CLHC1: variants seen among roughly 807,000 people sequenced by gnomAD.
The protein encoded by CLHC1 is clathrin heavy chain linker domain containing 1.
In CLHC1, 72 loss-of-function variants were observed where a neutral mutation model predicts 69.5. The observed-to-expected ratio is 1.04, with a 90% CI of 0.86 to 1.26. The LOEUF (loss-of-function observed/expected upper bound fraction) is 1.26, where lower values mean the gene tolerates loss of function less well. Ranked by LOEUF, CLHC1 falls within the 50% of genes most tolerant of loss-of-function variation. The pLI, the probability that CLHC1 is intolerant of heterozygous loss-of-function variation, is 0.00. For synonymous variants in CLHC1, 223 were observed against 224.3 expected, an observed-to-expected ratio of 0.99 and a Z score of 0.05; for missense variants, 790 against 679.3, an observed-to-expected ratio of 1.16 and a Z score of -1.81.
At chr2:55,195,752 T>G (rs1384206228) in intron 9 of CLHC1, among the ~76,000 whole-genome samples, 1 of 152,060 alleles carries the variant, frequency 6.6e-6, no homozygotes, top group Non-Finnish European at 1.5e-5. Context: ...CAGTGAGCCG[T>G]TGCACCACTG....
intron 9 of CLHC1, among the ~76,000 whole-genome samples, chr2:55,203,476 G>A (rs768598907): frequency 1.3e-5 from 2 of 152,084 alleles, no homozygotes; most frequent in Non-Finnish European, 2.9e-5. Context: ...CAGTCCAATG[G>A]AACAGAATAG....
In CLHC1 at chr2:55,209,445, T is replaced by A; in HGVS notation, c.773A>T (p.Gln258Leu). Residue 258 changes from glutamine to leucine, a missense_variant, in exon 7 of 13, where the codon CAA becomes CTA. Transcript: ENST00000401408. ...TTTCTGAATTTGCTCCACAAAGTCT[T>A]GAAATGGGCTGCTCATATCAGATTT... The part of the protein sequence containing the change: ...WVKSDMSSPF[Q>L]DFVEQIQKTK... 6 of 1,611,250 alleles carry A rather than the reference T, an allele frequency of 3.7e-6. No homozygotes were observed. Among genetic ancestry groups the A allele is most frequent in the Non-Finnish European group, 4.2e-6 (5 of 1,179,132 alleles).
chr2:55,217,875 C>A lies in CLHC1; in HGVS notation c.301G>T (p.Gly101Cys), dbSNP rs1376684970. Residue 101 changes from glycine (G) to cysteine (C), a missense_variant, in exon 4 of 13, where the codon GGT becomes TGT. Coordinates refer to ENST00000401408, the MANE Select transcript of CLHC1 (RefSeq NM_152385.4). ...AAAGCTGTAGGCTCTGCTGCCAAACCTTTAAGTTTTCCATGAAGACAAAAT... is the reference window on the plus strand; with the variant it reads ...AAAGCTGTAGGCTCTGCTGCCAAACATTTAAGTTTTCCATGAAGACAAAAT... ...TTFCLHGKLKGLAAEPTALVY... is the reference protein window; with the variant it reads ...TTFCLHGKLKCLAAEPTALVY... 4 of 1,607,598 alleles carry A rather than the reference C, an allele frequency of 2.5e-6. No homozygotes were observed. The highest frequency in any genetic ancestry group is 3.4e-6 in the Non-Finnish European group (4 of 1,177,518).
In CLHC1 at chr2:55,188,307, C is replaced by A. The variant is rs118124705; in HGVS notation, c.1007-6563G>T. On this transcript the variant is annotated intron_variant, in intron 9 of 12. Coordinates refer to ENST00000401408, the MANE Select transcript of CLHC1 (RefSeq NM_152385.4). ...CTCCAGCCTAGGTGACAGAGCAAGA[C>A]CCTGTCTTAACAAAAGGGTATATGT... Among the ~76,000 whole-genome samples the A allele has an allele frequency of 3.0e-4, 46 of 152,146 alleles. No individual in the cohort carries two copies. In the East Asian group the frequency reaches 8.7e-3, roughly 29 times the overall value.
intron 4 of CLHC1, chr2:55,216,112 TAAAAA>T (rs34510146): frequency 1.9e-5 from 2 of 105,202 alleles, no homozygotes; most frequent in Non-Finnish European, 1.9e-5. Flanking sequence ...CCATCTCTAC[TAAAAA>T]AAAAAAAAAA....
chr2:55,183,444 C>G (rs966782508), intron 9 of CLHC1, among the ~76,000 whole-genome samples: 1 of 152,186 alleles, frequency 6.6e-6, no homozygotes, highest in Non-Finnish European at 1.5e-5. Flanking sequence ...GAACTTTAGA[C>G]TCTATCAAGT....
chr2:55,181,823 G>A (rs1167584396), intron 9 of CLHC1, 79 bp from the exon 10 acceptor site: 2 of 1,094,008 alleles, frequency 1.8e-6, no homozygotes, highest in Non-Finnish European at 2.7e-6. Context: ...TACTATTTTT[G>A]TGCCTTTGCT....
At chr2:55,201,959 A>G (rs2103873806) in intron 9 of CLHC1, among the ~76,000 whole-genome samples, 1 of 152,338 alleles carries the variant, frequency 6.6e-6, no homozygotes, top group Middle Eastern at 3.4e-3. Flanking sequence ...ATAAAATTCA[A>G]CATTCTTCAT....
At chr2:55,213,677 G>A (rs1673220520) in intron 4 of CLHC1, among the ~76,000 whole-genome samples, 1 of 152,138 alleles carries the variant, frequency 6.6e-6, no homozygotes, top group South Asian at 2.1e-4. Flanking sequence ...ATTATTTGAA[G>A]TTTTCTTCCT....
At chr2:55,212,169 T>C (rs865929973) in intron 5 of CLHC1, among the ~76,000 whole-genome samples, 14 of 152,058 alleles carry the variant, frequency 9.2e-5, no homozygotes, top group Non-Finnish European at 1.9e-4. Flanking sequence ...CCCAGCTACT[T>C]GGGAGGCCAA....
intron 11 of CLHC1, among the ~76,000 whole-genome samples, chr2:55,180,134 C>G (rs998573355): frequency 1.3e-5 from 2 of 149,914 alleles, no homozygotes; most frequent in African/African-American, 4.9e-5. Context: ...AGCCTGGCAA[C>G]AGAGTGAGAC....
At chr2:55,205,400 TACACACACACACACACACACACGC>T (rs1558487025) in intron 9 of CLHC1, among the ~76,000 whole-genome samples, 1 of 147,700 alleles carries the variant, frequency 6.8e-6, no homozygotes, top group African/African-American at 2.5e-5. Context: ...ATAAAGAAAA[TACACACACACACACACACACACGC>T]ACACACACAC....
chr2:55,231,268 AG>A (rs928608764), intron 1 of CLHC1, among the ~76,000 whole-genome samples: 20 of 150,902 alleles, frequency 1.3e-4, no homozygotes, highest in African/African-American at 4.4e-4. Context: ...AAAAAAAAAA[AG>A]TTCCAGGAAG....
In CLHC1 at chr2:55,175,829, C is replaced by T; in HGVS notation, c.1722G>A (p.Glu574=). 1.9e-6 allele frequency: 3 copies of T among 1,613,982 alleles called. No homozygotes were observed. The highest frequency in any genetic ancestry group is 1.3e-5 in the African/African-American group (1 of 75,020). ...SQAAVTEISE[E]DDAVNLMEHV... ...GTTCCATTAGGTTGACTGCGTCATC[C>T]TCTTCAGAAATTTCTGTAACTGCAG... The change falls in exon 13 of 13, where the codon GAG becomes GAA. Residue 574 remains glutamate, a synonymous_variant. Coordinates refer to ENST00000401408, the MANE Select transcript of CLHC1 (RefSeq NM_152385.4).
At chr2:55,178,225 T>C (rs1669589956) in intron 11 of CLHC1, among the ~76,000 whole-genome samples, 1 of 152,210 alleles carries the variant, frequency 6.6e-6, no homozygotes, top group Non-Finnish European at 1.5e-5. Flanking sequence ...CAAATTCTGG[T>C]GAGTATAATG....
intron 9 of CLHC1, among the ~76,000 whole-genome samples, chr2:55,185,489 T>A (rs1018453650): frequency 6.6e-6 from 1 of 152,204 alleles, no homozygotes; most frequent in African/African-American, 2.4e-5. Context: ...TATGCCTTTT[T>A]TGAATTTCCA....
intron 9 of CLHC1, among the ~76,000 whole-genome samples, chr2:55,182,434 T>C (rs555480726): frequency 6.6e-6 from 1 of 152,342 alleles, no homozygotes; most frequent in African/African-American, 2.4e-5. Context: ...TTAAGCTGTA[T>C]GTACACTCAA....
chr2:55,221,952 G>A (rs1356576314), intron 3 of CLHC1, among the ~76,000 whole-genome samples: 1 of 152,188 alleles, frequency 6.6e-6, no homozygotes, highest in African/African-American at 2.4e-5. Flanking sequence ...ACTCCAGCCT[G>A]GGTGATACAG....
intron 11 of CLHC1, among the ~76,000 whole-genome samples, chr2:55,179,602 C>G (rs1433838643): frequency 6.6e-6 from 1 of 152,054 alleles, no homozygotes; most frequent in Non-Finnish European, 1.5e-5. Context: ...CTTCTTAGAA[C>G]TGGGATACAT....
Sources: allele counts gnomAD v4.1 joint callset (sites outside exome capture counted in the v4.1 genomes callset), GRCh38; gene constraint gnomAD v4.1.1; transcripts MANE v1.5; gene names NCBI Gene and HGNC (gene_info 2026-07-23, HGNC 2026-07-21).